Variants in CREB5 observed in about 807,000 individuals in gnomAD.
CREB5 encodes the protein cyclic AMP-responsive element-binding protein 5.
Under a neutral mutation model 57.1 loss-of-function variants are expected in CREB5, and 19 were observed. The ratio of observed to expected loss-of-function variants is 0.33; its 90% CI spans 0.23 to 0.49. The LOEUF (loss-of-function observed/expected upper bound fraction) is 0.49. CREB5 is among the 20% of genes least tolerant of loss of function. The pLI, the probability that CREB5 is intolerant of heterozygous loss-of-function variation, is 0.99. For synonymous variants in CREB5, 238 were observed against 238.3 expected, an observed-to-expected ratio of 1.00 and a Z score of 0.01; for missense variants, 579 against 671.6, an observed-to-expected ratio of 0.86 and a Z score of 1.52.
intron 7 of CREB5, among the ~76,000 whole-genome samples, chr7:28,752,250 T>A (rs1356542093): frequency 6.6e-6 from 1 of 152,174 alleles, no homozygotes; most frequent in Non-Finnish European, 1.5e-5. Context: ...CACTGCAACC[T>A]CTGCCTCTCG....
chr7:28,812,397 T>G (rs559448132), intron 9 of CREB5, among the ~76,000 whole-genome samples: 13 of 152,298 alleles, frequency 8.5e-5, no homozygotes, highest in African/African-American at 2.9e-4. Context: ...TATGATTGCT[T>G]TTACAGAACA....
intron 4 of CREB5, among the ~76,000 whole-genome samples, chr7:28,517,209 A>C (rs937961187): frequency 6.6e-6 from 1 of 152,232 alleles, no homozygotes; most frequent in Non-Finnish European, 1.5e-5. Context: ...CATTGTAAAA[A>C]GAGGAAAGGA....
At chr7:28,798,407 G>T (rs917920907) in intron 7 of CREB5, among the ~76,000 whole-genome samples, 2 of 152,186 alleles carry the variant, frequency 1.3e-5, no homozygotes, top group Non-Finnish European at 2.9e-5. Flanking sequence ...GCACACTCAC[G>T]CAGGCACACA....
intron 1 of CREB5, among the ~76,000 whole-genome samples, chr7:28,320,434 A>AC (rs1360979126): frequency 6.6e-6 from 1 of 152,064 alleles, no homozygotes; most frequent in Non-Finnish European, 1.5e-5. Flanking sequence ...GGAAAGAAAC[A>AC]CCTATAAGAA....
intron 1 of CREB5, among the ~76,000 whole-genome samples, chr7:28,324,748 A>C (rs76530432): frequency 6.6e-6 from 1 of 152,102 alleles, no homozygotes; most frequent in Non-Finnish European, 1.5e-5. Context: ...TCTATATCCA[A>C]TTGTCACAGG....
At chr7:28,450,436 A>T (rs1220688365) in intron 1 of CREB5, among the ~76,000 whole-genome samples, 1 of 152,238 alleles carries the variant, frequency 6.6e-6, no homozygotes, top group Non-Finnish European at 1.5e-5. Context: ...TGACTCGCAT[A>T]TGATGCAAAA....
At chr7:28,577,128 C>T (rs1795937439) in intron 5 of CREB5, among the ~76,000 whole-genome samples, 1 of 152,196 alleles carries the variant, frequency 6.6e-6, no homozygotes, top group African/African-American at 2.4e-5. Flanking sequence ...AAAACATTTG[C>T]CACCTTGGCT....
chr7:28,580,926 A>G (rs913476852), intron 5 of CREB5, among the ~76,000 whole-genome samples: 3 of 152,208 alleles, frequency 2.0e-5, no homozygotes, highest in Admixed American at 1.3e-4. Flanking sequence ...CAAAACCAGC[A>G]TGAATGAGTG....
chr7:28,388,230 C>T (rs1348512861), intron 1 of CREB5, among the ~76,000 whole-genome samples: 1 of 152,152 alleles, frequency 6.6e-6, no homozygotes, highest in African/African-American at 2.4e-5. Flanking sequence ...AATGCCAGAC[C>T]TTTGAGGGAC....
intron 1 of CREB5, among the ~76,000 whole-genome samples, chr7:28,482,582 T>C (rs73299121): frequency 2.6e-5 from 4 of 152,330 alleles, no homozygotes; most frequent in African/African-American, 9.6e-5. Flanking sequence ...AGAAACCTTT[T>C]GAGGTCTCAT....
chr7:28,494,974 A>G lies in CREB5; in HGVS notation c.144A>G (p.Ser48=). ...ATGAAATGACTTTGAAGTTTCCTTCAATAAAAACAGACAATATGTTATCAG... is the reference window on the plus strand; with the variant it reads ...ATGAAATGACTTTGAAGTTTCCTTCGATAAAAACAGACAATATGTTATCAG... ...HKHEMTLKFP[S]IKTDNMLSDQ... is the part of the protein sequence containing the mutation. Residue 48 remains serine (S), a synonymous_variant, in exon 3 of 11, where the codon TCA becomes TCG. Coordinates refer to ENST00000357727, the MANE Select transcript of CREB5 (RefSeq NM_182898.4). 1.9e-6 allele frequency: 3 copies of G among 1,609,338 alleles called. No homozygotes were observed. The highest frequency in any genetic ancestry group is 1.7e-6 in the Non-Finnish European group (2 of 1,178,978).
intron 5 of CREB5, among the ~76,000 whole-genome samples, chr7:28,583,645 G>A (rs1583664154): frequency 6.6e-6 from 1 of 152,146 alleles, no homozygotes; most frequent in Admixed American, 6.5e-5. Context: ...CATGGGCAGA[G>A]CCGCCTGTGC....
chr7:28,818,433 A>G (rs1809565837), intron 10 of CREB5, among the ~76,000 whole-genome samples: 1 of 152,198 alleles, frequency 6.6e-6, no homozygotes, highest in South Asian at 2.1e-4. Context: ...ATCAAAAGAA[A>G]TACCAAATTC....
intron 1 of CREB5, among the ~76,000 whole-genome samples, chr7:28,374,624 C>A (rs1786785244): frequency 6.6e-6 from 1 of 152,122 alleles, no homozygotes; most frequent in African/African-American, 2.4e-5. Flanking sequence ...TTGTATGATT[C>A]CATTGGTATG....
At chr7:28,697,019 TTATA>T (rs1473435694) in intron 5 of CREB5, among the ~76,000 whole-genome samples, 1 of 151,984 alleles carries the variant, frequency 6.6e-6, no homozygotes, top group African/African-American at 2.4e-5. Flanking sequence ...GTGTATATAT[TTATA>T]TACACACATA....
At chr7:28,448,744 G>T (rs1789630204) in intron 1 of CREB5, among the ~76,000 whole-genome samples, 1 of 152,200 alleles carries the variant, frequency 6.6e-6, no homozygotes, top group Admixed American at 6.5e-5. Flanking sequence ...AGCTAGCTGG[G>T]TTTTCAGGTT....
intron 5 of CREB5, among the ~76,000 whole-genome samples, chr7:28,637,735 A>G (rs1037958663): frequency 3.9e-5 from 6 of 152,252 alleles, no homozygotes; most frequent in African/African-American, 1.2e-4. Context: ...GAGGGTGTTC[A>G]TAAAGATATC....
chr7:28,420,819 A>T (rs1037519989), intron 1 of CREB5, among the ~76,000 whole-genome samples: 2 of 151,526 alleles, frequency 1.3e-5, no homozygotes, highest in African/African-American at 4.9e-5. Context: ...AAAAAAAAAA[A>T]AAAAAAAAAA....
intron 4 of CREB5, among the ~76,000 whole-genome samples, chr7:28,532,097 C>T (rs919320427): frequency 2.0e-5 from 3 of 152,154 alleles, no homozygotes; most frequent in African/African-American, 4.8e-5. Context: ...AAGACACCAA[C>T]ATTTGTGAAA....
Sources: gnomAD v4.1 joint callset for allele counts (sites outside exome capture counted in the v4.1 genomes callset) on GRCh38, gnomAD v4.1.1 for gene constraint, MANE v1.5 for transcripts, NCBI Gene and HGNC (gene_info 2026-07-23, HGNC 2026-07-21) for gene names.